BPIFB4: variants seen among roughly 807,000 people sequenced by gnomAD.
BPIFB4 encodes BPI fold-containing family B member 4.
Under a neutral mutation model 69.2 loss-of-function variants are expected in BPIFB4, and 62 were observed. That is an observed-to-expected ratio of 0.90 (90% CI 0.73 to 1.11). The LOEUF (loss-of-function observed/expected upper bound fraction) is 1.11, where lower values mean the gene tolerates loss of function less well. Ranked by LOEUF, BPIFB4 falls within the 50% of genes least tolerant of loss-of-function variation. BPIFB4 has a pLI of 0.00. For missense variants in BPIFB4, 789 were observed against 792.0 expected, an observed-to-expected ratio of 1.00 and a Z score of 0.04; for synonymous variants, 330 against 332.7, an observed-to-expected ratio of 0.99 and a Z score of 0.09.
At chr20:33,106,066 T>C (rs149395105) in intron 16 of BPIFB4, among the ~76,000 whole-genome samples, 3 of 152,280 alleles carry the variant, frequency 2.0e-5, no homozygotes, top group African/African-American at 7.2e-5. Context: ...CAGGGTAGAT[T>C]CACAATGTCC....
In BPIFB4 at chr20:33,083,522, C is replaced by T. The variant is rs930401761; in HGVS notation, c.325C>T (p.Leu109Phe). The T allele has an allele frequency of 1.2e-6, 2 of 1,613,882 alleles. No individual in the cohort carries two copies. The highest frequency in any genetic ancestry group is 1.3e-5 in the African/African-American group (1 of 74,844). The change falls in exon 5 of 18, where the codon CTT becomes TTT. Residue 109 changes from leucine (L) to phenylalanine (F), a missense_variant. Leu to Phe is a conservative substitution (Grantham distance 22). Around this residue, in one of 3 missense-constraint regions of BPIFB4, gnomAD observed 611 missense variants for 575.4 expected, o/e 1.06. Transcript: ENST00000375483. The part of the protein sequence containing the change: ...LGGKYRYGEI[L>F]ESEGSIRDLR... ...GGGCAAATACCGATATGGTGAGATC[C>T]TTGAGTCCGAGGGAAGCATCAGGGA...
Position 33,086,086 on chromosome 20 carries a change from A to G in BPIFB4, c.848A>G (p.Asp283Gly), listed in dbSNP as rs368742859. 5.6e-6 allele frequency: 9 copies of G among 1,613,590 alleles called. No homozygotes were observed. The highest frequency in any genetic ancestry group is 7.6e-6 in the Non-Finnish European group (9 of 1,179,536). ...ACAGCCAAGGTCCGGCTGACCATGGACCGCACGGGTTATCCTCGGCTGGTC... is the reference window on the plus strand; with the variant it reads ...ACAGCCAAGGTCCGGCTGACCATGGGCCGCACGGGTTATCCTCGGCTGGTC... ...NITAKVRLTM[D>G]RTGYPRLVIE... The change falls in exon 7 of 18, where the codon GAC becomes GGC. Residue 283 changes from aspartate (D) to glycine (G), a missense_variant. Asp to Gly is a moderately conservative substitution (Grantham distance 94). Coordinates refer to ENST00000375483, the MANE Select transcript of BPIFB4 (RefSeq NM_182519.3).
chr20:33,107,663 T>G (rs1378996263), intron 16 of BPIFB4, 81 bp from the exon 17 acceptor site: 1 of 1,083,592 alleles, frequency 9.2e-7, no homozygotes, highest in African/African-American at 1.6e-5. Context: ...ATTGCCAATC[T>G]TCTTACAAAT....
At chr20:33,087,643 G>A (rs1981468539) in intron 7 of BPIFB4, among the ~76,000 whole-genome samples, 1 of 151,220 alleles carries the variant, frequency 6.6e-6, no homozygotes, top group Admixed American at 6.6e-5. Flanking sequence ...CGATGAACCT[G>A]TTGGATAATT....
chr20:33,100,014 G>A (rs929291973), intron 13 of BPIFB4, among the ~76,000 whole-genome samples: 7 of 152,032 alleles, frequency 4.6e-5, no homozygotes, highest in East Asian at 1.9e-4. Context: ...GCCCAATCTC[G>A]TCATCTAAAG....
intron 5 of BPIFB4, 62 bp from the exon 6 acceptor site, chr20:33,084,830 G>C: frequency 6.4e-7 from 1 of 1,564,052 alleles, no homozygotes; most frequent in Non-Finnish European, 8.6e-7. Flanking sequence ...AGGGGAGGGC[G>C]CTCGGGTGAG....
chr20:33,090,826 G>T (rs1156744378), intron 10 of BPIFB4, 27 bp downstream of exon 10: 5 of 1,613,240 alleles, frequency 3.1e-6, no homozygotes, highest in African/African-American at 1.3e-5. Context: ...CAGGGCAAAG[G>T]GTGGTGGCCC....
At position 33,096,240 on chromosome 20, in the gene BPIFB4, C is replaced by T. The variant is rs534010989; in HGVS notation, c.1398+1087C>T. Among the ~76,000 whole-genome samples, 4 of 152,192 alleles carry T rather than the reference C, an allele frequency of 2.6e-5. No homozygotes were observed. The South Asian group carries it at 8.3e-4, about 32-fold the overall frequency. On this transcript the variant is annotated intron_variant, in intron 12 of 17. Coordinates refer to ENST00000375483, the MANE Select transcript of BPIFB4 (RefSeq NM_182519.3). ...ACTGGGTCACTTCCTATGTGCACTG[C>T]ACTTTACAGCTTATGAAATTGTTTT... is the stretch of plus-strand genomic sequence containing the variant.
intron 11 of BPIFB4, among the ~76,000 whole-genome samples, chr20:33,093,147 C>A (rs149885543): frequency 3.0e-4 from 46 of 152,290 alleles, no homozygotes; most frequent in African/African-American, 1.0e-3. Context: ...ATATATCCTT[C>A]ACTTAGATCC....
chr20:33,090,732 G>A lies in BPIFB4; in HGVS notation c.1076G>A (p.Gly359Glu), dbSNP rs777528050. The change falls in exon 10 of 18, where the codon GGA becomes GAA. Residue 359 changes from glycine to glutamate, a missense_variant. By Grantham distance (98) the Gly-to-Glu change is moderately conservative. Around this residue, in one of 3 missense-constraint regions of BPIFB4, gnomAD observed 611 missense variants for 575.4 expected, o/e 1.06. Transcript: ENST00000375483. The stretch of plus-strand genomic sequence containing the variant: ...GCTCTGATTCCTCTGGGGATATTGG[G>A]AAGTGTCCAGTACACCTTCTCCAGC... Reference protein sequence around the residue: ...VDSLIPLGILGSVQYTFSSLP... With the variant: ...VDSLIPLGILESVQYTFSSLP... 2.5e-6 allele frequency: 4 copies of A among 1,614,050 alleles called. No homozygotes were observed. Among genetic ancestry groups the A allele is most frequent in the Non-Finnish European group, 2.5e-6 (3 of 1,180,036 alleles).
chr20:33,083,483 A>G lies in BPIFB4; in HGVS notation c.286A>G (p.Thr96Ala), dbSNP rs957457506. 5.6e-6 allele frequency: 9 copies of G among 1,613,070 alleles called. No homozygotes were observed. In the African/African-American group the frequency reaches 1.2e-4, roughly 22 times the overall value. Residue 96 changes from threonine to alanine, a missense_variant, in exon 5 of 18, where the codon ACT becomes GCT. Thr to Ala is a moderately conservative substitution (Grantham distance 58). Around this residue, in one of 3 missense-constraint regions of BPIFB4, gnomAD observed 611 missense variants for 575.4 expected, o/e 1.06. Coordinates refer to ENST00000375483, the MANE Select transcript of BPIFB4 (RefSeq NM_182519.3). Reference protein sequence around the residue: ...QYGHIETNDNTAQLGGKYRYG... With the variant: ...QYGHIETNDNAAQLGGKYRYG... Reference sequence around the variant, plus strand: ...TGGTCACATTGAGACCAACGACAACACTGCTCAGCTGGGGGGCAAATACCG... The same window carrying G: ...TGGTCACATTGAGACCAACGACAACGCTGCTCAGCTGGGGGGCAAATACCG...
At chr20:33,090,851 G>A (rs541388983) in intron 10 of BPIFB4, 52 bp downstream of exon 10, 7 of 1,606,120 alleles carry the variant, frequency 4.4e-6, no homozygotes, top group Non-Finnish European at 6.0e-6. Context: ...CCCAAAGGCA[G>A]GAGTATCAGT....
intron 16 of BPIFB4, among the ~76,000 whole-genome samples, chr20:33,107,221 A>AGAAGGAAGGAAG (rs71190891): frequency 1.1e-3 from 151 of 142,504 alleles, no homozygotes; most frequent in Middle Eastern, 3.7e-3. Flanking sequence ...AATGAAAGAA[A>AGAAGGAAGGAAG]GAAGGAAGGA....
chr20:33,104,339 C>T (rs1242682559), intron 15 of BPIFB4, among the ~76,000 whole-genome samples: 2 of 152,228 alleles, frequency 1.3e-5, no homozygotes, highest in Admixed American at 1.3e-4. Flanking sequence ...GCAAACTCAG[C>T]TCACTGACCC....
chr20:33,103,778 G>C (rs956145217), intron 15 of BPIFB4, among the ~76,000 whole-genome samples: 3 of 152,208 alleles, frequency 2.0e-5, no homozygotes, highest in African/African-American at 7.2e-5. Context: ...GCTACAGCCT[G>C]TGAAGCCGAT....
intron 7 of BPIFB4, among the ~76,000 whole-genome samples, chr20:33,087,717 AACAC>A (rs1555882746): frequency 0.028 from 1,649 of 59,386 alleles, 21 homozygotes; most frequent in East Asian, 0.11. Flanking sequence ...CTATCCCCTC[AACAC>A]ACACACACAC....
Position 33,089,012 on chromosome 20 carries a change from G to C in BPIFB4, c.973G>C (p.Asp325His). The C allele has an allele frequency of 1.2e-6, 2 of 1,613,858 alleles. No homozygotes were observed. The highest frequency in any genetic ancestry group is 8.5e-7 in the Non-Finnish European group (1 of 1,179,826). ...VDNLVNRVLADVLPDLLCPIV... is the reference protein window; with the variant it reads ...VDNLVNRVLAHVLPDLLCPIV... The stretch of plus-strand genomic sequence containing the variant: ...CAATTTAGTGAACCGAGTCCTGGCC[G>C]ACGTCCTCCCTGACTTGGTAAGAAG... The change falls in exon 8 of 18, where the codon GAC becomes CAC. Residue 325 changes from aspartate (D) to histidine (H), a missense_variant. Coordinates refer to ENST00000375483, the MANE Select transcript of BPIFB4 (RefSeq NM_182519.3).
At chr20:33,081,355 A>G (rs929752370) in intron 2 of BPIFB4, among the ~76,000 whole-genome samples, 157 bp from the exon 3 acceptor site, 1 of 152,248 alleles carries the variant, frequency 6.6e-6, no homozygotes, top group Non-Finnish European at 1.5e-5. Context: ...AGTATCTGGA[A>G]TTCTGGACCC....
chr20:33,098,665 A>T (rs973811036), intron 13 of BPIFB4, among the ~76,000 whole-genome samples: 2 of 151,458 alleles, frequency 1.3e-5, no homozygotes, highest in Non-Finnish European at 2.9e-5. Context: ...GAATCGCTTG[A>T]ACCTGGGAGG....
Sources: gnomAD v4.1 joint callset for allele counts (sites outside exome capture counted in the v4.1 genomes callset) on GRCh38, gnomAD v4.1.1 for gene constraint, gnomAD v4.1.1 regional missense constraint, MANE v1.5 for transcripts, NCBI Gene and HGNC (gene_info 2026-07-23, HGNC 2026-07-21) for gene names.